The following INPP4B variants were observed in gnomAD, a reference collection of about 807,000 sequenced individuals.
INPP4B encodes the protein inositol polyphosphate 4-phosphatase type II.
A neutral mutation model predicts 122.5 loss-of-function variants in INPP4B; 55 were observed. That is an observed-to-expected ratio of 0.45 (90% CI 0.36 to 0.56). The LOEUF is 0.56. Ranked by LOEUF, INPP4B falls within the 20% of genes least tolerant of loss-of-function variation. The pLI, the probability that INPP4B is intolerant of heterozygous loss-of-function variation, is 0.00. For missense variants in INPP4B, 1,000 were observed against 1,097.7 expected (o/e 0.91, Z 1.26); for synonymous variants, 403 against 388.7 (o/e 1.04, Z -0.43).
At chr4:142,757,641 T>C (rs1469645058) in intron 1 of INPP4B, among the ~76,000 whole-genome samples, 1 of 152,192 alleles carries the variant, frequency 6.6e-6, no homozygotes, top group Non-Finnish European at 1.5e-5. Flanking sequence ...CTGAATAATT[T>C]TCCATTGTCT....
chr4:142,494,304 T>C (rs1822250049), intron 2 of INPP4B, among the ~76,000 whole-genome samples: 1 of 152,208 alleles, frequency 6.6e-6, no homozygotes, highest in African/African-American at 2.4e-5. Context: ...TTGTTATTAA[T>C]GTGCTGTTCT....
At chr4:142,269,286 C>A (rs545329519) in intron 10 of INPP4B, among the ~76,000 whole-genome samples, 1 of 81,814 alleles carries the variant, frequency 1.2e-5, no homozygotes, top group Admixed American at 1.4e-4. Context: ...ACCTCATTGC[C>A]TACCCTCCCC....
rs1189069489 is a variant in INPP4B, at chr4:142,591,735, TATG to T, written c.-190-129012_-190-129010del. On this transcript the variant is annotated intron_variant, in intron 2 of 25. Coordinates refer to ENST00000262992, the MANE Select transcript of INPP4B (RefSeq NM_001101669.3). Reference sequence around the variant, plus strand: ...TAATGTTGATAATATGTGCCCTCGATATGATGTTGATGAGAATTGTCCTCCTCA... The same window carrying T: ...TAATGTTGATAATATGTGCCCTCGATATGTTGATGAGAATTGTCCTCCTCA... 2.0e-5 allele frequency among the ~76,000 whole-genome samples: 3 copies of T among 152,222 alleles called. No individual in the cohort carries two copies. In the East Asian group the frequency reaches 5.8e-4, roughly 29 times the overall value.
intron 2 of INPP4B, among the ~76,000 whole-genome samples, chr4:142,493,069 C>T (rs1432125192): frequency 6.6e-6 from 1 of 152,194 alleles, no homozygotes; most frequent in African/African-American, 2.4e-5. Context: ...CAGGGCATTG[C>T]TTCAGAGGAT....
At chr4:142,094,025 C>T (rs569395950) in intron 23 of INPP4B, among the ~76,000 whole-genome samples, 17 of 152,146 alleles carry the variant, frequency 1.1e-4, no homozygotes, top group Non-Finnish European at 1.9e-4. Flanking sequence ...AAGAATACGA[C>T]GATAACATAT....
intron 3 of INPP4B, among the ~76,000 whole-genome samples, chr4:142,436,838 G>A (rs1349459741): frequency 6.6e-5 from 10 of 150,392 alleles, no homozygotes; most frequent in Non-Finnish European, 1.5e-5. Context: ...AAACCCCAAA[G>A]GCCAGAGTGC....
chr4:142,139,721 T>C (rs1185752562), intron 18 of INPP4B, among the ~76,000 whole-genome samples: 16 of 152,116 alleles, frequency 1.1e-4, no homozygotes, highest in Admixed American at 7.2e-4. Context: ...TATTTGAAGG[T>C]TGGGGTGCAC....
chr4:142,443,320 T>G (rs945389602), intron 3 of INPP4B, among the ~76,000 whole-genome samples: 2 of 152,090 alleles, frequency 1.3e-5, no homozygotes, highest in African/African-American at 4.8e-5. Flanking sequence ...AAAGTGTCCC[T>G]TTGAGGTACA....
At chr4:142,069,307 A>C (rs960046075) in intron 25 of INPP4B, among the ~76,000 whole-genome samples, 1 of 152,246 alleles carries the variant, frequency 6.6e-6, no homozygotes, top group Non-Finnish European at 1.5e-5. Flanking sequence ...ACAACATACC[A>C]GAATCTCTGG....
At chr4:142,079,074 G>A (rs547461462) in intron 25 of INPP4B, among the ~76,000 whole-genome samples, 7 of 152,014 alleles carry the variant, frequency 4.6e-5, no homozygotes, top group South Asian at 4.1e-4. Context: ...TATGTATTGC[G>A]TTTTAGTATA....
chr4:142,579,816 T>G (rs890822509), intron 2 of INPP4B, among the ~76,000 whole-genome samples: 2 of 150,904 alleles, frequency 1.3e-5, no homozygotes, highest in African/African-American at 4.9e-5. Flanking sequence ...CCAAATCACA[T>G]GAGCCAATTC....
At chr4:142,248,132 G>C (rs1729872135) in intron 11 of INPP4B, among the ~76,000 whole-genome samples, 1 of 152,006 alleles carries the variant, frequency 6.6e-6, no homozygotes, top group African/African-American at 2.4e-5. Context: ...TTCACTGGTT[G>C]CTGACCACCC....
chr4:142,542,710 A>G (rs1232965644), intron 2 of INPP4B, among the ~76,000 whole-genome samples: 1 of 152,158 alleles, frequency 6.6e-6, no homozygotes, highest in Non-Finnish European at 1.5e-5. Flanking sequence ...TCAATAACCA[A>G]TTTCATATGA....
chr4:142,227,877 A>AG (rs1852295350), intron 12 of INPP4B, among the ~76,000 whole-genome samples: 1 of 150,498 alleles, frequency 6.6e-6, no homozygotes, highest in Admixed American at 6.6e-5. Context: ...AAAAAAAAAA[A>AG]AAAGAAAAAA....
chr4:142,108,470 A>G (rs1327466167), intron 22 of INPP4B, among the ~76,000 whole-genome samples: 2 of 100,036 alleles, frequency 2.0e-5, no homozygotes, highest in Non-Finnish European at 5.0e-5. Context: ...GTGCATGGAC[A>G]TAATTGATAT....
rs1197753927 is a variant in INPP4B, at chr4:142,523,854, G to A, written c.-190-61128C>T. On this transcript the variant is annotated intron_variant, in intron 2 of 25. Transcript: ENST00000262992. The stretch of plus-strand genomic sequence containing the variant: ...CCCAGAGTGTGATGTTCCCCTTCCT[G>A]AGTCCATGTGATCTCATTGTTCAAT... 3.0e-5 allele frequency among the ~76,000 whole-genome samples: 4 copies of A among 134,198 alleles called. No individual in the cohort carries two copies. In the East Asian group the frequency reaches 9.0e-4, roughly 30 times the overall value. 88.0% of individuals were successfully genotyped at this position (134,198 alleles called of 152,430 possible). A position where few individuals can be genotyped will look rare whatever the true frequency, so the allele number is the denominator to read the frequency against.
chr4:142,656,910 G>A (rs1754257857), intron 2 of INPP4B, among the ~76,000 whole-genome samples: 1 of 152,180 alleles, frequency 6.6e-6, no homozygotes, highest in South Asian at 2.1e-4. Context: ...GTCTTTGGCT[G>A]TGGCCAATCT....
intron 14 of INPP4B, among the ~76,000 whole-genome samples, chr4:142,201,393 A>G (rs1448338400): frequency 6.6e-6 from 1 of 152,056 alleles, no homozygotes; most frequent in Non-Finnish European, 1.5e-5. Context: ...AAAGTTGCAA[A>G]TTTATTATCT....
intron 1 of INPP4B, among the ~76,000 whole-genome samples, chr4:142,822,935 C>G (rs554052090): frequency 6.6e-6 from 1 of 152,184 alleles, no homozygotes; most frequent in South Asian, 2.1e-4. Context: ...GTTTCTCATG[C>G]GTTGGCTCCA....
Sources: gnomAD v4.1 joint callset for allele counts (sites outside exome capture counted in the v4.1 genomes callset) on GRCh38, gnomAD v4.1.1 for gene constraint, MANE v1.5 for transcripts, NCBI Gene and HGNC (gene_info 2026-07-23, HGNC 2026-07-21) for gene names.